Variants in RPGRIP1 observed in about 807,000 individuals in gnomAD.
RPGRIP1 encodes RPGR interacting protein 1, also known as X-linked retinitis pigmentosa GTPase regulator-interacting protein 1.
RPGRIP1 carries 128 observed loss-of-function variants against 157.9 expected under a neutral mutation model. The ratio of observed to expected loss-of-function variants is 0.81; its 90% CI spans 0.70 to 0.94. RPGRIP1 has a LOEUF of 0.94. RPGRIP1 is among the 40% of genes least tolerant of loss of function. RPGRIP1 has a pLI of 0.00. For missense variants in RPGRIP1, 1,486 were observed against 1,545.8 expected (o/e 0.96, Z 0.65); for synonymous variants, 554 against 571.6 (o/e 0.97, Z 0.44).
At chr14:21,323,786 CGTGTGT>C (rs10647461) in intron 14 of RPGRIP1, 5 of 150,398 alleles carry the variant, frequency 3.3e-5, no homozygotes, top group Non-Finnish European at 1.5e-5. Flanking sequence ...TCTCCTTATT[CGTGTGT>C]GTGTGTGTGT....
At chr14:21,305,632 G>A (rs978774430) in intron 6 of RPGRIP1, among the ~76,000 whole-genome samples, 15 of 152,260 alleles carry the variant, frequency 9.9e-5, no homozygotes, top group African/African-American at 2.9e-4. Context: ...AGGCCAAGGT[G>A]GGTGGATCAT....
At chr14:21,310,241 T>C (rs201361696) in intron 7 of RPGRIP1, among the ~76,000 whole-genome samples, 1 of 12,810 alleles carries the variant, frequency 7.8e-5, no homozygotes, top group Non-Finnish European at 2.6e-4. Context: ...ATGATCATTC[T>C]TTTTTTTTTA....
intron 2 of RPGRIP1, among the ~76,000 whole-genome samples, chr14:21,291,639 G>C (rs947236121): frequency 6.6e-6 from 1 of 151,538 alleles, no homozygotes; most frequent in Non-Finnish European, 1.5e-5. Flanking sequence ...GGAGTGCAGT[G>C]GTGCGATCTT....
chr14:21,294,823 T>G lies in RPGRIP1; in HGVS notation c.218+14T>G. 8.5e-7 allele frequency: 1 copy of G among 1,171,206 alleles called. No individual in the cohort carries two copies. Among genetic ancestry groups the G allele is most frequent in the Non-Finnish European group, 1.1e-6 (1 of 871,274 alleles). The allele number at this position is 1,171,206 out of a possible 1,614,324, so 72.6% of individuals were successfully genotyped here. ...TGAGATCAAAAGGTACTTAGAGTTC[T>G]CCTTAAATTTTTTTTTTTTTTTTTT... On this transcript the variant is annotated intron_variant, in intron 3 of 24. Coordinates refer to ENST00000400017, the MANE Select transcript of RPGRIP1 (RefSeq NM_020366.4).
At chr14:21,320,937 C>T (rs914947028) in intron 12 of RPGRIP1, among the ~76,000 whole-genome samples, 62 of 152,114 alleles carry the variant, frequency 4.1e-4, no homozygotes, top group Admixed American at 1.5e-3. Context: ...GAAGGCAGAG[C>T]GTAGAGAACT....
In RPGRIP1 at chr14:21,351,098, C is replaced by T. The variant is rs373373799; in HGVS notation, c.3749-6C>T. 7.6e-6 allele frequency: 12 copies of T among 1,575,510 alleles called. No individual in the cohort carries two copies. Among genetic ancestry groups the T allele is most frequent in the South Asian group, 3.4e-5 (3 of 87,476 alleles). On this transcript the variant is annotated splice_region_variant and splice_polypyrimidine_tract_variant and intron_variant, in intron 24 of 24. Coordinates refer to ENST00000400017, the MANE Select transcript of RPGRIP1 (RefSeq NM_020366.4). ...AGTGATGCTGTTTTTTTCCCTTTCCCAACAGTTGTTAGCCCTGAAGATCTG... is the reference window on the plus strand; with the variant it reads ...AGTGATGCTGTTTTTTTCCCTTTCCTAACAGTTGTTAGCCCTGAAGATCTG...
intron 21 of RPGRIP1, 89 bp downstream of exon 21, chr14:21,334,794 G>GGTGCTGGGATTA: frequency 2.3e-6 from 2 of 865,318 alleles, no homozygotes; most frequent in Non-Finnish European, 3.5e-6. Flanking sequence ...TGTAATCCCA[G>GGTGCTGGGATTA]CACCTTGGGA....
intron 6 of RPGRIP1, among the ~76,000 whole-genome samples, chr14:21,305,861 A>AAAAAC (rs550332221): frequency 9.1e-4 from 139 of 152,226 alleles, no homozygotes; most frequent in Middle Eastern, 3.4e-3. Flanking sequence ...ACTCTGTCTC[A>AAAAAC]AAAACAAAAC....
intron 7 of RPGRIP1, among the ~76,000 whole-genome samples, chr14:21,309,834 TA>T (rs146224548): frequency 5.3e-5 from 8 of 151,000 alleles, no homozygotes; most frequent in Non-Finnish European, 8.8e-5. Flanking sequence ...AAAATAAATT[TA>T]AAAAAAAAGT....
chr14:21,291,595 T>G (rs1403135580), intron 2 of RPGRIP1, among the ~76,000 whole-genome samples: 4 of 152,098 alleles, frequency 2.6e-5, no homozygotes, highest in Non-Finnish European at 5.9e-5. Context: ...CTTTTTTTTT[T>G]TTTGAGACAG....
At chr14:21,295,881 C>T (rs933395795) in intron 3 of RPGRIP1, among the ~76,000 whole-genome samples, 1 of 151,776 alleles carries the variant, frequency 6.6e-6, no homozygotes, top group Non-Finnish European at 1.5e-5. Flanking sequence ...AGCGATTCCC[C>T]TCCCTCAGCC....
chr14:21,310,962 G>T (rs770398743), intron 8 of RPGRIP1: 11 of 534,020 alleles, frequency 2.1e-5, no homozygotes, highest in South Asian at 1.3e-4. Context: ...GGTATTCTCA[G>T]ATGGTCTTAA....
At chr14:21,318,619 G>T (rs1259129911) in intron 11 of RPGRIP1, among the ~76,000 whole-genome samples, 2 of 151,962 alleles carry the variant, frequency 1.3e-5, no homozygotes, top group Non-Finnish European at 2.9e-5. Flanking sequence ...GGGATTGCAG[G>T]TGCCCACCAC....
chr14:21,281,596 T>C (rs1040810515), intron 1 of RPGRIP1, among the ~76,000 whole-genome samples: 50 of 149,252 alleles, frequency 3.4e-4, no homozygotes, highest in Non-Finnish European at 5.8e-4. Flanking sequence ...GGCTGAGACA[T>C]GAGAATTGCT....
chr14:21,327,585 A>G (rs1055722314), intron 17 of RPGRIP1, 38 bp from the exon 18 acceptor site: 5 of 1,577,348 alleles, frequency 3.2e-6, no homozygotes, highest in Non-Finnish European at 4.4e-6. Context: ...TGCTTATTTC[A>G]TGTGATCAGG....
chr14:21,337,515 T>C (rs1435781118), intron 21 of RPGRIP1, among the ~76,000 whole-genome samples: 2 of 150,034 alleles, frequency 1.3e-5, no homozygotes, highest in Non-Finnish European at 3.0e-5. Flanking sequence ...AATCTCGGCT[T>C]ACTGCAACCT....
Position 21,326,084 on chromosome 14 carries a change from T to A in RPGRIP1, c.2621T>A (p.Val874Asp). The A allele has an allele frequency of 6.2e-7, 1 of 1,613,380 alleles. No homozygotes were observed. Residue 874 changes from valine (V) to aspartate (D), a missense_variant, in exon 17 of 25, where the codon GTT becomes GAT. Physicochemically the swap from Val to Asp is radical, Grantham distance 152. Transcript: ENST00000400017. ...YLRREALSIH[V>D]FDDEDLEPGS... ...AGACGGGAGGCCTTGTCTATACATGTTTTTGATGATGAAGACTTAGAGCCT... is the reference window on the plus strand; with the variant it reads ...AGACGGGAGGCCTTGTCTATACATGATTTTGATGATGAAGACTTAGAGCCT...
intron 14 of RPGRIP1, among the ~76,000 whole-genome samples, chr14:21,322,818 C>A (rs1882647750): frequency 6.6e-6 from 1 of 152,170 alleles, no homozygotes; most frequent in African/African-American, 2.4e-5. Context: ...AGTGACAGGG[C>A]AGCTGGCTGG....
chr14:21,307,911 T>C (rs1051195074), intron 7 of RPGRIP1, 75 bp downstream of exon 7: 3 of 801,086 alleles, frequency 3.7e-6, no homozygotes, highest in Admixed American at 3.1e-5. Context: ...ATTTTCTCCA[T>C]TTTAAATATG....
Sources: allele counts gnomAD v4.1 joint callset (sites outside exome capture counted in the v4.1 genomes callset), GRCh38; gene constraint gnomAD v4.1.1; transcripts MANE v1.5; gene names NCBI Gene and HGNC (gene_info 2026-07-23, HGNC 2026-07-21).